The following SPATA13 variants were observed in gnomAD, a reference collection of about 807,000 sequenced individuals.
The protein encoded by SPATA13 is spermatogenesis associated 13.
SPATA13 carries 50 observed loss-of-function variants against 104.0 expected under a neutral mutation model. The observed-to-expected ratio is 0.48, with a 90% CI of 0.38 to 0.61. The LOEUF (loss-of-function observed/expected upper bound fraction) is 0.61. SPATA13 is among the 20% of genes least tolerant of loss of function. SPATA13 has a pLI of 0.00. For synonymous variants in SPATA13, 606 were observed against 667.5 expected (o/e 0.91, Z 1.42); for missense variants, 1,524 against 1,690.6 (o/e 0.90, Z 1.73).
chr13:24,186,105 C>T (rs941799309), intron 1 of SPATA13, among the ~76,000 whole-genome samples: 3 of 152,178 alleles, frequency 2.0e-5, no homozygotes, highest in Non-Finnish European at 4.4e-5. Context: ...AACATCCAGA[C>T]TGGTGTTTGG....
chr13:24,284,651 G>A (rs1332651765), intron 5 of SPATA13, among the ~76,000 whole-genome samples: 2 of 152,026 alleles, frequency 1.3e-5, no homozygotes, highest in African/African-American at 4.8e-5. Flanking sequence ...GCGACAGAGC[G>A]AGACTCCATC....
At chr13:24,299,218 T>TG (rs1877006840) in intron 11 of SPATA13, among the ~76,000 whole-genome samples, 1 of 152,128 alleles carries the variant, frequency 6.6e-6, no homozygotes, top group African/African-American at 2.4e-5. Context: ...CACTATTTAG[T>TG]GGGGGCATCC....
chr13:23,985,443 T>C (rs1593257276), intron 2 of SPATA13, among the ~76,000 whole-genome samples: 1 of 152,346 alleles, frequency 6.6e-6, no homozygotes, highest in Middle Eastern at 3.4e-3. Flanking sequence ...TCCTCTTACC[T>C]GGGTCTCCTG....
intron 3 of SPATA13, among the ~76,000 whole-genome samples, chr13:24,097,491 A>T (rs1880120614): frequency 6.6e-6 from 1 of 152,136 alleles, no homozygotes; most frequent in Non-Finnish European, 1.5e-5. Context: ...CAAAGGCAAA[A>T]ATACTAGATT....
chr13:24,023,836 C>T (rs1015761276), intron 3 of SPATA13, among the ~76,000 whole-genome samples: 5 of 152,154 alleles, frequency 3.3e-5, no homozygotes, highest in East Asian at 1.9e-4. Flanking sequence ...TTTTAACCTG[C>T]GAGACCCCTG....
At chr13:24,144,602 G>A (rs922376297) in intron 3 of SPATA13, among the ~76,000 whole-genome samples, 5 of 152,110 alleles carry the variant, frequency 3.3e-5, no homozygotes, top group Admixed American at 2.0e-4. Flanking sequence ...GGGCTCTTTG[G>A]TGCCTGCAGG....
At chr13:24,277,591 G>C (rs1488979742) in intron 4 of SPATA13, among the ~76,000 whole-genome samples, 1 of 152,078 alleles carries the variant, frequency 6.6e-6, no homozygotes, top group Admixed American at 6.6e-5. Flanking sequence ...GAGAGACCTG[G>C]GTTCCTATCC....
intron 1 of SPATA13, among the ~76,000 whole-genome samples, chr13:24,164,860 A>C (rs1048029606): frequency 6.6e-6 from 1 of 152,120 alleles, no homozygotes; most frequent in African/African-American, 2.4e-5. Flanking sequence ...AGACCAGGGG[A>C]CCAGGGGACA....
intron 2 of SPATA13, among the ~76,000 whole-genome samples, chr13:24,233,549 C>T (rs1872394878): frequency 6.6e-6 from 1 of 152,044 alleles, no homozygotes; most frequent in Admixed American, 6.6e-5. Flanking sequence ...AATACTAAAT[C>T]ATAGAAATTC....
At chr13:24,114,364 C>CCTGCATGTGTGCACATGCGCGTGTGT (rs1880758414) in intron 3 of SPATA13, among the ~76,000 whole-genome samples, 1 of 152,230 alleles carries the variant, frequency 6.6e-6, no homozygotes, top group African/African-American at 2.4e-5. Context: ...CACGTGTGTG[C>CCTGCATGTGTGCACATGCGCGTGTGT]CTGCATGTGT....
At chr13:24,070,420 A>G (rs1879117383) in intron 3 of SPATA13, among the ~76,000 whole-genome samples, 1 of 152,110 alleles carries the variant, frequency 6.6e-6, no homozygotes, top group Non-Finnish European at 1.5e-5. Flanking sequence ...GAGAGGAGAT[A>G]TCTCTTTCCA....
intron 1 of SPATA13, among the ~76,000 whole-genome samples, chr13:24,173,362 T>TTGTGTG (rs60850610): frequency 1.1e-3 from 161 of 146,828 alleles, no homozygotes; most frequent in Middle Eastern, 3.5e-3. Context: ...TAGTTCTTAG[T>TTGTGTG]TGTGTGTGTG....
chr13:23,979,939 T>C (rs1488198821), intron 1 of SPATA13: 1 of 152,292 alleles, frequency 6.6e-6, no homozygotes, highest in Admixed American at 6.5e-5. Context: ...GTGGGATTTC[T>C]CTACATATTG....
chr13:24,036,339 T>A (rs1283889032), intron 3 of SPATA13, among the ~76,000 whole-genome samples: 1 of 152,226 alleles, frequency 6.6e-6, no homozygotes, highest in Non-Finnish European at 1.5e-5. Flanking sequence ...CTGAATTTGT[T>A]ACAATGTGTT....
intron 3 of SPATA13, among the ~76,000 whole-genome samples, chr13:24,037,699 T>C (rs557530787): frequency 1.5e-4 from 23 of 151,566 alleles, no homozygotes; most frequent in South Asian, 6.3e-4. Context: ...TGAGCCACCG[T>C]GCCCAGCCGG....
At chr13:23,992,749 G>C (rs1160477861) in intron 2 of SPATA13, among the ~76,000 whole-genome samples, 1 of 152,156 alleles carries the variant, frequency 6.6e-6, no homozygotes, top group Admixed American at 6.5e-5. Context: ...TTAGCTTCCT[G>C]GCAAACTCAC....
At chr13:24,291,019 A>G in intron 9 of SPATA13, 135 bp downstream of exon 9, 1 of 685,898 alleles carries the variant, frequency 1.5e-6, no homozygotes, top group African/African-American at 1.8e-5. Flanking sequence ...AGAAGTTTTC[A>G]GGTTGTTTAG....
intron 3 of SPATA13, among the ~76,000 whole-genome samples, chr13:24,097,313 T>G (rs762770440): frequency 2.4e-4 from 37 of 152,128 alleles, no homozygotes; most frequent in Non-Finnish European, 4.3e-4. Context: ...AATGAGAAGC[T>G]AAATAATTTC....
In SPATA13 at chr13:24,222,913, C is replaced by T. The variant is rs748966262; in HGVS notation, c.-17C>T. The T allele has an allele frequency of 4.6e-5, 72 of 1,550,426 alleles. No homozygotes were observed. In the Middle Eastern group the frequency reaches 5.0e-4, roughly 11 times the overall value. On this transcript the variant is annotated 5_prime_UTR_variant, in exon 2 of 13. Transcript: ENST00000382108. ...GGCCTGGAGCTGCGGTCTGCGGACT[C>T]GGCAGTGCCCGTGGCCATGACCCAG...
Sources: gnomAD v4.1 joint callset for allele counts (sites outside exome capture counted in the v4.1 genomes callset) on GRCh38, gnomAD v4.1.1 for gene constraint, MANE v1.5 for transcripts, NCBI Gene and HGNC (gene_info 2026-07-23, HGNC 2026-07-21) for gene names.